ADCY8: variants seen among roughly 807,000 people sequenced by gnomAD.
The protein encoded by ADCY8 is adenylate cyclase type 8.
A neutral mutation model predicts 119.7 loss-of-function variants in ADCY8; 51 were observed. The ratio of observed to expected loss-of-function variants is 0.43; its 90% CI spans 0.34 to 0.54. The LOEUF (loss-of-function observed/expected upper bound fraction) is 0.54, where lower values mean the gene tolerates loss of function less well. Ranked by LOEUF, ADCY8 falls within the 20% of genes least tolerant of loss-of-function variation. The probability of loss-of-function intolerance (pLI) is 0.03; values close to 1 mark genes in which losing one functional copy is unlikely to be tolerated. For missense variants in ADCY8, 1,383 were observed against 1,598.8 expected, an observed-to-expected ratio of 0.87 and a Z score of 2.30; for synonymous variants, 665 against 651.0, an observed-to-expected ratio of 1.02 and a Z score of -0.33.
At chr8:130,997,309 G>A (rs1223332387) in intron 1 of ADCY8, among the ~76,000 whole-genome samples, 1 of 152,030 alleles carries the variant, frequency 6.6e-6, no homozygotes, top group Non-Finnish European at 1.5e-5. Flanking sequence ...GTGTAAATAT[G>A]TGTGTATCTG....
At chr8:130,967,666 C>T (rs928571330) in intron 2 of ADCY8, among the ~76,000 whole-genome samples, 2 of 152,110 alleles carry the variant, frequency 1.3e-5, no homozygotes, top group Admixed American at 6.5e-5. Flanking sequence ...AAGAATGAGT[C>T]ACAAAATTCA....
At chr8:130,908,505 A>C (rs1819862557) in intron 6 of ADCY8, among the ~76,000 whole-genome samples, 2 of 149,702 alleles carry the variant, frequency 1.3e-5, no homozygotes, top group Non-Finnish European at 3.0e-5. Flanking sequence ...GTCCCTGCAC[A>C]GTGTACAAAA....
intron 12 of ADCY8, among the ~76,000 whole-genome samples, chr8:130,833,818 T>C (rs1225264847): frequency 1.3e-5 from 2 of 152,212 alleles, no homozygotes; most frequent in African/African-American, 4.8e-5. Flanking sequence ...TTATCATTTA[T>C]ATATGGAGTC....
At chr8:130,938,946 G>C (rs1820875299) in intron 4 of ADCY8, among the ~76,000 whole-genome samples, 1 of 152,196 alleles carries the variant, frequency 6.6e-6, no homozygotes, top group African/African-American at 2.4e-5. Context: ...GCCTTCAGTT[G>C]TTTCTTCTAA....
intron 13 of ADCY8, among the ~76,000 whole-genome samples, chr8:130,817,496 T>C (rs1314698428): frequency 6.6e-6 from 1 of 152,212 alleles, no homozygotes; most frequent in Non-Finnish European, 1.5e-5. Flanking sequence ...TAAATGACTT[T>C]ATTGGAAGAT....
intron 15 of ADCY8, among the ~76,000 whole-genome samples, chr8:130,790,240 T>C (rs72712435): frequency 0.051 from 7,833 of 152,266 alleles, 262 homozygotes; most frequent in Middle Eastern, 0.18. Flanking sequence ...GAATAAGCCA[T>C]GGCACATTTC....
At chr8:131,020,817 A>G (rs1823642061) in intron 1 of ADCY8, among the ~76,000 whole-genome samples, 3 of 152,152 alleles carry the variant, frequency 2.0e-5, no homozygotes, top group Admixed American at 6.5e-5. Context: ...AAGAGTTACA[A>G]GTAGGAAGGT....
chr8:130,875,297 C>A (rs1165874159), intron 8 of ADCY8, among the ~76,000 whole-genome samples: 1 of 152,194 alleles, frequency 6.6e-6, no homozygotes, highest in Non-Finnish European at 1.5e-5. Context: ...CCAAGATATT[C>A]ATACTATGTT....
chr8:130,884,885 G>A (rs1818921066), intron 7 of ADCY8, 124 bp from the exon 8 acceptor site: 2 of 989,860 alleles, frequency 2.0e-6, no homozygotes, highest in East Asian at 4.9e-5. Flanking sequence ...GTTGTATTCA[G>A]TGAAACCTAC....
At position 130,836,323 on chromosome 8, in the gene ADCY8, A is replaced by G; in HGVS notation, c.2629T>C (p.Tyr877His). 6.2e-7 allele frequency: 1 copy of G among 1,613,966 alleles called. No homozygotes were observed. The highest frequency in any genetic ancestry group is 8.5e-7 in the Non-Finnish European group (1 of 1,179,882). ...TCATAACGCAGAAAGAGGCCTGCGTAGACGGTCTCAGTGAGCAGGGCATAG... is the reference window on the plus strand; with the variant it reads ...TCATAACGCAGAAAGAGGCCTGCGTGGACGGTCTCAGTGAGCAGGGCATAG... Reference protein sequence around the residue: ...AIYALLTETVYAGLFLRYDNL... With the variant: ...AIYALLTETVHAGLFLRYDNL... The change falls in exon 12 of 18, where the codon TAC becomes CAC. Residue 877 changes from tyrosine to histidine, a missense_variant. Physicochemically the swap from Tyr to His is moderately conservative, Grantham distance 83 (BLOSUM62 2). Transcript: ENST00000286355.
At chr8:130,977,380 T>G (rs1276752692) in intron 2 of ADCY8, among the ~76,000 whole-genome samples, 1 of 152,210 alleles carries the variant, frequency 6.6e-6, no homozygotes, top group Non-Finnish European at 1.5e-5. Flanking sequence ...GGGTCTCTTG[T>G]TTTTTGAATC....
rs760860861 is a variant in ADCY8, at chr8:130,927,422, C to T, written c.1481+9651G>A. On this transcript the variant is annotated intron_variant, in intron 5 of 17. Coordinates refer to ENST00000286355, the MANE Select transcript of ADCY8 (RefSeq NM_001115.3). ...AGAAATGTATATTCAGGTCCTTTGC[C>T]CATTTTAAAATCAGGTGATTGATTT... Among the ~76,000 whole-genome samples the T allele has an allele frequency of 4.5e-4, 68 of 152,040 alleles. 1 individual carries two copies. Among genetic ancestry groups the T allele is most frequent in the Admixed American group, 3.3e-4 (5 of 15,266 alleles).
At chr8:130,984,325 A>G (rs1822331465) in intron 2 of ADCY8, among the ~76,000 whole-genome samples, 1 of 152,160 alleles carries the variant, frequency 6.6e-6, no homozygotes, top group South Asian at 2.1e-4. Flanking sequence ...ATGTATATAC[A>G]ATGACTTCTA....
At chr8:130,885,223 ATT>A (rs200305628) in intron 7 of ADCY8, among the ~76,000 whole-genome samples, 94,512 of 149,458 alleles carry the variant, frequency 0.63, 29,779 homozygotes, top group East Asian at 0.83. Context: ...TATGGCTTGC[ATT>A]TTTTTTTTTT....
chr8:131,025,054 C>T (rs1249556450), intron 1 of ADCY8, among the ~76,000 whole-genome samples: 1 of 152,134 alleles, frequency 6.6e-6, no homozygotes, highest in Non-Finnish European at 1.5e-5. Flanking sequence ...ATCAGAAACT[C>T]ATTTTGAAGC....
At chr8:130,846,986 T>C (rs1817351037) in intron 11 of ADCY8, among the ~76,000 whole-genome samples, 1 of 142,980 alleles carries the variant, frequency 7.0e-6, no homozygotes, top group Non-Finnish European at 1.5e-5. Context: ...TCCCTCCCTC[T>C]TTCCTTCTGC....
At chr8:130,836,183 A>T in intron 12 of ADCY8, 94 bp downstream of exon 12, 2 of 1,354,820 alleles carry the variant, frequency 1.5e-6, no homozygotes, top group South Asian at 2.9e-5. Flanking sequence ...ATCAGGCCTT[A>T]AGTTTTAGTA....
intron 1 of ADCY8, among the ~76,000 whole-genome samples, chr8:131,025,184 C>G (rs539363687): frequency 3.7e-4 from 56 of 152,278 alleles, no homozygotes; most frequent in African/African-American, 1.3e-3. Flanking sequence ...ATCCCCTTGG[C>G]TCTATCTATG....
At position 131,028,484 on chromosome 8, in the gene ADCY8, G is replaced by C. The variant is rs80321114; in HGVS notation, c.960+10890C>G. Reference sequence around the variant, plus strand: ...GCTCACCCGATGAATGAGGGTGTGGGAGATTTGACTTTAGAAGAAAACCAG... The same window carrying C: ...GCTCACCCGATGAATGAGGGTGTGGCAGATTTGACTTTAGAAGAAAACCAG... On this transcript the variant is annotated intron_variant, in intron 1 of 17. Transcript: ENST00000286355. Among the ~76,000 whole-genome samples, 17 of 152,204 alleles carry C rather than the reference G, an allele frequency of 1.1e-4. No homozygotes were observed. In the East Asian group the frequency reaches 3.3e-3, roughly 29 times the overall value.
Sources: gnomAD v4.1 joint callset for allele counts (sites outside exome capture counted in the v4.1 genomes callset) on GRCh38, gnomAD v4.1.1 for gene constraint, MANE v1.5 for transcripts, NCBI Gene and HGNC (gene_info 2026-07-23, HGNC 2026-07-21) for gene names.